The following ASAP1 variants were observed in gnomAD, a reference collection of about 807,000 sequenced individuals.
The protein encoded by ASAP1 is ArfGAP with SH3 domain, ankyrin repeat and PH domain 1, also known as arf-GAP with SH3 domain, ANK repeat and PH domain-containing protein 1.
ASAP1 carries 43 observed loss-of-function variants against 145.2 expected under a neutral mutation model. The ratio of observed to expected loss-of-function variants is 0.30; its 90% CI spans 0.23 to 0.38. ASAP1 has a LOEUF of 0.38. ASAP1 is among the 10% of genes least tolerant of loss of function. ASAP1 has a pLI of 1.00. For missense variants in ASAP1, 1,018 were observed against 1,355.3 expected (o/e 0.75, Z 3.91); for synonymous variants, 546 against 515.5 (o/e 1.06, Z -0.80).
At chr8:130,143,138 C>G (rs185733389) in intron 13 of ASAP1, among the ~76,000 whole-genome samples, 1 of 152,202 alleles carries the variant, frequency 6.6e-6, no homozygotes, top group African/African-American at 2.4e-5. Flanking sequence ...CTGTCTTGAG[C>G]AGCATCTCTT....
chr8:130,149,542 T>A (rs1300162281), intron 13 of ASAP1, among the ~76,000 whole-genome samples: 1 of 152,096 alleles, frequency 6.6e-6, no homozygotes, highest in Non-Finnish European at 1.5e-5. Flanking sequence ...CCTGCATCAT[T>A]AATCTAAATG....
chr8:130,135,634 G>GT (rs773884141), intron 14 of ASAP1, among the ~76,000 whole-genome samples: 1 of 152,210 alleles, frequency 6.6e-6, no homozygotes, highest in African/African-American at 2.4e-5. Context: ...TGGAGTCTGA[G>GT]TTTTTTCTTC....
At chr8:130,314,493 C>T (rs1339347636) in intron 3 of ASAP1, among the ~76,000 whole-genome samples, 1 of 152,136 alleles carries the variant, frequency 6.6e-6, no homozygotes, top group African/African-American at 2.4e-5. Context: ...CTGTTTCTAC[C>T]CCAATTTCAC....
intron 3 of ASAP1, among the ~76,000 whole-genome samples, chr8:130,266,814 A>G (rs750328076): frequency 1.3e-5 from 2 of 152,198 alleles, no homozygotes; most frequent in Non-Finnish European, 2.9e-5. Context: ...AGATATAAAT[A>G]CACATTAAGC....
At chr8:130,248,664 G>A (rs1819005167) in intron 3 of ASAP1, among the ~76,000 whole-genome samples, 1 of 152,104 alleles carries the variant, frequency 6.6e-6, no homozygotes, top group African/African-American at 2.4e-5. Flanking sequence ...GGGCAAGACT[G>A]GAAAGGGAGG....
intron 26 of ASAP1, among the ~76,000 whole-genome samples, chr8:130,078,857 T>C (rs995907721): frequency 6.6e-6 from 1 of 151,880 alleles, no homozygotes; most frequent in Admixed American, 6.6e-5. Context: ...TAATAGTAAT[T>C]GGGCCTATCT....
chr8:130,360,068 C>T (rs1031425623), intron 2 of ASAP1, among the ~76,000 whole-genome samples: 9 of 152,248 alleles, frequency 5.9e-5, no homozygotes, highest in African/African-American at 7.2e-5. Context: ...ACCTCATTAA[C>T]TCTCAAATAT....
chr8:130,149,501 A>G (rs2097641131), intron 13 of ASAP1, among the ~76,000 whole-genome samples: 2 of 152,142 alleles, frequency 1.3e-5, no homozygotes, highest in South Asian at 2.1e-4. Context: ...CCTCTGGTGC[A>G]GACCTTGCTT....
At chr8:130,294,292 G>C (rs1822123329) in intron 3 of ASAP1, among the ~76,000 whole-genome samples, 1 of 152,218 alleles carries the variant, frequency 6.6e-6, no homozygotes, top group Non-Finnish European at 1.5e-5. Context: ...TTGGTAATGA[G>C]TTCTGAATGA....
In ASAP1 at chr8:130,424,554, T is replaced by A. The variant is rs577259203; in HGVS notation, c.-28+18906A>T. On this transcript the variant is annotated intron_variant, in intron 1 of 29. Transcript: ENST00000518721. ...AAACAATTTAATCTTCCCAGTGACA[T>A]GCTGGGATTGGAAGAGATACTGGCT... Among the ~76,000 whole-genome samples the A allele has an allele frequency of 1.3e-5, 2 of 152,172 alleles. 1 individual carries two copies. The highest frequency in any genetic ancestry group is 4.1e-4 in the South Asian group (2 of 4,830).
At chr8:130,110,752 G>C (rs1312473190) in intron 24 of ASAP1, among the ~76,000 whole-genome samples, 2 of 152,128 alleles carry the variant, frequency 1.3e-5, no homozygotes, top group Non-Finnish European at 2.9e-5. Context: ...TAAGAACACA[G>C]CTCCCATTTA....
chr8:130,055,649 C>T (rs543122525), intron 29 of ASAP1, among the ~76,000 whole-genome samples: 39 of 152,244 alleles, frequency 2.6e-4, no homozygotes, highest in African/African-American at 6.7e-4. Flanking sequence ...TTATTGTCTG[C>T]TGCATTGGCC....
chr8:130,232,160 A>G (rs919286497), intron 4 of ASAP1, among the ~76,000 whole-genome samples: 3 of 152,222 alleles, frequency 2.0e-5, no homozygotes, highest in Admixed American at 2.0e-4. Context: ...GGCCTTGGAA[A>G]TCACATGGCA....
intron 3 of ASAP1, among the ~76,000 whole-genome samples, chr8:130,244,448 C>T (rs1818726340): frequency 6.6e-6 from 1 of 152,110 alleles, no homozygotes; most frequent in African/African-American, 2.4e-5. Context: ...TACAATAAAC[C>T]CTTCCAAAGC....
At chr8:130,138,836 CA>C (rs754901058) in intron 13 of ASAP1, among the ~76,000 whole-genome samples, 127 of 81,440 alleles carry the variant, frequency 1.6e-3, no homozygotes, top group East Asian at 2.9e-3. Flanking sequence ...AACTCCGTCT[CA>C]AAAAAAAAAA....
chr8:130,400,135 G>A (rs544007789), intron 2 of ASAP1, among the ~76,000 whole-genome samples: 3 of 152,122 alleles, frequency 2.0e-5, no homozygotes, highest in Non-Finnish European at 4.4e-5. Flanking sequence ...CCGGTGTCTT[G>A]TGTGAGATCA....
At chr8:130,334,613 T>C (rs1402161816) in intron 3 of ASAP1, among the ~76,000 whole-genome samples, 1 of 152,258 alleles carries the variant, frequency 6.6e-6, no homozygotes, top group Non-Finnish European at 1.5e-5. Context: ...TAACAGAATA[T>C]ACTTTTATTT....
chr8:130,326,864 G>A (rs908777176), intron 3 of ASAP1, among the ~76,000 whole-genome samples: 1 of 152,132 alleles, frequency 6.6e-6, no homozygotes, highest in Non-Finnish European at 1.5e-5. Flanking sequence ...GACAATCAGT[G>A]GCCTATTTCT....
intron 23 of ASAP1, among the ~76,000 whole-genome samples, chr8:130,113,822 C>A (rs2097550439): frequency 6.6e-6 from 1 of 151,996 alleles, no homozygotes; most frequent in South Asian, 2.1e-4. Flanking sequence ...GACACCCACA[C>A]CCAGGCTGGA....
Sources: gnomAD v4.1 joint callset for allele counts (sites outside exome capture counted in the v4.1 genomes callset) on GRCh38, gnomAD v4.1.1 for gene constraint, MANE v1.5 for transcripts, NCBI Gene and HGNC (gene_info 2026-07-23, HGNC 2026-07-21) for gene names.